PIWIL1: variants seen among roughly 807,000 people sequenced by gnomAD.
PIWIL1 encodes the protein piwi like RNA-mediated gene silencing 1, also known as piwi-like protein 1.
A neutral mutation model predicts 114.4 loss-of-function variants in PIWIL1; 73 were observed. That is an observed-to-expected ratio of 0.64 (90% CI 0.53 to 0.78). The LOEUF (loss-of-function observed/expected upper bound fraction) is 0.78. Among genes scored for constraint, PIWIL1 ranks in the 30% least tolerant of loss-of-function variants. The pLI, the probability that PIWIL1 is intolerant of heterozygous loss-of-function variation, is 0.00. For synonymous variants in PIWIL1, 375 were observed against 369.0 expected (o/e 1.02, Z -0.19); for missense variants, 723 against 1,063.1 (o/e 0.68, Z 4.45).
the PIWIL1 span, among the ~76,000 whole-genome samples, chr12:130,415,194 C>A: frequency 3.9e-5 from 6 of 152,140 alleles, no homozygotes; most frequent in Admixed American, 3.9e-4. Flanking sequence ...ATCAAAAAGA[C>A]AATTCACCAT....
At chr12:130,364,432 A>G (rs142180962) in intron 18 of PIWIL1, among the ~76,000 whole-genome samples, 137 of 152,336 alleles carry the variant, frequency 9.0e-4, no homozygotes, top group African/African-American at 3.1e-3. Context: ...GGCCAATGCT[A>G]AAAGGCCCCA....
intron 6 of PIWIL1, 125 bp from the exon 7 acceptor site, chr12:130,347,978 G>C: frequency 1.7e-6 from 1 of 585,526 alleles, no homozygotes; most frequent in Non-Finnish European, 3.0e-6. Flanking sequence ...AAAAACAGCA[G>C]GTAGGTTGGA....
Position 130,348,198 on chromosome 12 carries a change from G to C in PIWIL1, c.734+15G>C, listed in dbSNP as rs1470297880. On this transcript the variant is annotated intron_variant, in intron 7 of 20. Coordinates refer to ENST00000245255, the MANE Select transcript of PIWIL1 (RefSeq NM_004764.5). ...CCAAGTCACAGGTTTGTATGAAGTA[G>C]AACGTTTAATATTCCTTAGGCTTAA... 4 of 1,477,842 alleles carry C rather than the reference G, an allele frequency of 2.7e-6. No individual in the cohort carries two copies. The highest frequency in any genetic ancestry group is 3.8e-6 in the Non-Finnish European group (4 of 1,060,488). 91.5% of individuals were successfully genotyped at this position (1,477,842 alleles called of 1,614,324 possible). A position where few individuals can be genotyped will look rare whatever the true frequency, so the allele number is the denominator to read the frequency against.
At chr12:130,340,905 A>G (rs1031678078) in intron 1 of PIWIL1, among the ~76,000 whole-genome samples, 9 of 152,196 alleles carry the variant, frequency 5.9e-5, no homozygotes, top group African/African-American at 2.2e-4. Flanking sequence ...GCTGATTTAG[A>G]GTCATATTGT....
the PIWIL1 span, chr12:130,406,293 T>C: frequency 1.6e-6 from 2 of 1,280,366 alleles, no homozygotes; most frequent in Middle Eastern, 2.2e-4. Context: ...ACAACAGTAG[T>C]AGTTTTTTAA....
chr12:130,378,454 G>T, the PIWIL1 span, among the ~76,000 whole-genome samples: 1 of 152,198 alleles, frequency 6.6e-6, no homozygotes, highest in African/African-American at 2.4e-5. Context: ...TTTGTGTGGG[G>T]ATGTATGTTT....
At chr12:130,422,977 C>T in the PIWIL1 span, among the ~76,000 whole-genome samples, 4 of 152,182 alleles carry the variant, frequency 2.6e-5, no homozygotes, top group Non-Finnish European at 4.4e-5. This position sits in a 1 kb window ranked among gnomAD's most constrained non-coding sequence, Gnocchi z 5.2. Context: ...TGCAGTTCCT[C>T]CTGTCCTGCT....
At chr12:130,349,491 C>A in intron 8 of PIWIL1, 55 bp downstream of exon 8, 1 of 1,145,646 alleles carries the variant, frequency 8.7e-7, no homozygotes, top group Non-Finnish European at 1.3e-6. Context: ...AGTATTGTGG[C>A]TTTCTAGTTC....
rs200414750 is a variant in PIWIL1, at chr12:130,342,662, C to A, written c.71C>A (p.Ser24Tyr). ...CAGGAGACAGCGCAGCTGGTGGGCTCCACTGCCGTGAGTGCTTCACCGTTT... is the reference window on the plus strand; with the variant it reads ...CAGGAGACAGCGCAGCTGGTGGGCTACACTGCCGTGAGTGCTTCACCGTTT... ...RGQETAQLVG[S>Y]TASQQPGYIQ... The change falls in exon 2 of 21, where the codon TCC (serine) becomes TAC (tyrosine). Residue 24 changes from serine (S) to tyrosine (Y), a missense_variant. By Grantham distance (144) the Ser-to-Tyr change is moderately radical. This residue lies in a region of PIWIL1 where 91 missense variants were observed against 76.2 expected (regional missense o/e 1.19). Coordinates refer to ENST00000245255, the MANE Select transcript of PIWIL1 (RefSeq NM_004764.5). The A allele has an allele frequency of 1.1e-5, 17 of 1,611,850 alleles. No homozygotes were observed. The East Asian group carries it at 3.6e-4, about 34-fold the overall frequency.
At chr12:130,387,816 TATTA>T in the PIWIL1 span, among the ~76,000 whole-genome samples, 2 of 152,252 alleles carry the variant, frequency 1.3e-5, no homozygotes, top group Non-Finnish European at 2.9e-5. Context: ...CATGGGTCAG[TATTA>T]ATTACTATTT....
chr12:130,355,636 A>G lies in PIWIL1; in HGVS notation c.1373A>G (p.Gln458Arg). ...CTGTCCTTCTCAGGAAGAATTTTGC[A>G]AACAGAAAAGATTCACCAAGGTGGA... ...NLLSFSGRIL[Q>R]TEKIHQGGKT... The change falls in exon 12 of 21, where the codon CAA becomes CGA. Residue 458 changes from glutamine to arginine, a missense_variant. Transcript: ENST00000245255. 6.2e-7 allele frequency: 1 copy of G among 1,614,092 alleles called. No homozygotes were observed. Among genetic ancestry groups the G allele is most frequent in the Non-Finnish European group, 8.5e-7 (1 of 1,179,894 alleles).
chr12:130,374,233 A>G (rs1484797762), downstream of PIWIL1, among the ~76,000 whole-genome samples: 1 of 152,214 alleles, frequency 6.6e-6, no homozygotes, highest in Non-Finnish European at 1.5e-5. Flanking sequence ...GCTTACACAC[A>G]GTGACGGCTC....
chr12:130,385,199 T>C, the PIWIL1 span, among the ~76,000 whole-genome samples: 1 of 152,256 alleles, frequency 6.6e-6, no homozygotes, highest in Non-Finnish European at 1.5e-5. Flanking sequence ...CTGCCCACTT[T>C]ACCAGCCTGT....
chr12:130,420,030 A>G, the PIWIL1 span, among the ~76,000 whole-genome samples: 3 of 152,252 alleles, frequency 2.0e-5, no homozygotes, highest in African/African-American at 7.2e-5. This position sits in a 1 kb window ranked among gnomAD's most constrained non-coding sequence, Gnocchi z 4.3. Flanking sequence ...TTTCCTCTGA[A>G]AAAGATAAGT....
At chr12:130,353,816 C>T (rs368902964) in intron 9 of PIWIL1, among the ~76,000 whole-genome samples, 5 of 149,682 alleles carry the variant, frequency 3.3e-5, no homozygotes, top group African/African-American at 7.3e-5. Context: ...ATCCCAGCTA[C>T]GCAGGAGGCT....
In PIWIL1 at chr12:130,362,676, G is replaced by A. The variant is rs574979363; in HGVS notation, c.1971-90G>A. Reference sequence around the variant, plus strand: ...AAGGCAGTTACAAAGATGACAGATTGCTAAGAGTGAAATAAATATAGAATA... The same window carrying A: ...AAGGCAGTTACAAAGATGACAGATTACTAAGAGTGAAATAAATATAGAATA... On this transcript the variant is annotated intron_variant, in intron 16 of 20. Transcript: ENST00000245255. 62 of 1,100,616 alleles carry A rather than the reference G, an allele frequency of 5.6e-5. No individual in the cohort carries two copies. The African/African-American group carries it at 8.3e-4, about 15-fold the overall frequency. 68.2% of individuals were successfully genotyped at this position (1,100,616 alleles called of 1,614,324 possible). A position where few individuals can be genotyped will look rare whatever the true frequency, so the allele number is the denominator to read the frequency against.
At chr12:130,406,587 A>C in the PIWIL1 span, among the ~76,000 whole-genome samples, 1 of 152,238 alleles carries the variant, frequency 6.6e-6, no homozygotes, top group Non-Finnish European at 1.5e-5. Context: ...CTGCAGTATA[A>C]GGACCATTAC....
At position 130,347,229 on chromosome 12, in the gene PIWIL1, A is replaced by G. The variant is rs746603780; in HGVS notation, c.653+167A>G. 2.6e-5 allele frequency among the ~76,000 whole-genome samples: 4 copies of G among 152,160 alleles called. No individual in the cohort carries two copies. In the South Asian group the frequency reaches 6.2e-4, roughly 24 times the overall value. On this transcript the variant is annotated intron_variant, in intron 6 of 20. Transcript: ENST00000245255. ...TGGTTTACTGATAGAAAATTCATCT[A>G]TTTGCTTTAAGCAAGTATCCTGCCT...
chr12:130,376,005 G>C (rs1408517665), downstream of PIWIL1, among the ~76,000 whole-genome samples: 1 of 152,142 alleles, frequency 6.6e-6, no homozygotes, highest in Non-Finnish European at 1.5e-5. Flanking sequence ...TGTGCCTTCA[G>C]ACTCTGCCAG....
Sources: gnomAD v4.1 joint callset for allele counts (sites outside exome capture counted in the v4.1 genomes callset) on GRCh38, gnomAD v4.1.1 for gene constraint, gnomAD v4.1.1 regional missense constraint, Gnocchi (gnomAD v3.1) non-coding constraint, MANE v1.5 for transcripts, NCBI Gene and HGNC (gene_info 2026-07-23, HGNC 2026-07-21) for gene names.